Variants in DNAJB6 observed in about 807,000 individuals in gnomAD.
DNAJB6 encodes dnaJ homolog subfamily B member 6.
In DNAJB6, 16 loss-of-function variants were observed where a neutral mutation model predicts 42.7. That is an observed-to-expected ratio of 0.37 (90% CI 0.25 to 0.57). The LOEUF (loss-of-function observed/expected upper bound fraction) is 0.57, where lower values mean the gene tolerates loss of function less well. Among genes scored for constraint, DNAJB6 ranks in the 20% least tolerant of loss-of-function variants. The probability of loss-of-function intolerance (pLI) is 0.74; values close to 1 mark genes in which losing one functional copy is unlikely to be tolerated. For synonymous variants in DNAJB6, 170 were observed against 163.5 expected, an observed-to-expected ratio of 1.04 and a Z score of -0.30; for missense variants, 347 against 416.8, an observed-to-expected ratio of 0.83 and a Z score of 1.46.
intron 8 of DNAJB6, among the ~76,000 whole-genome samples, chr7:157,404,188 C>G (rs1166174388): frequency 1.3e-5 from 2 of 151,768 alleles, no homozygotes; most frequent in African/African-American, 4.8e-5. Flanking sequence ...AGGCTGGTCT[C>G]AAACTCTTGG....
At chr7:157,352,712 GC>G (rs1171423778) in intron 1 of DNAJB6, among the ~76,000 whole-genome samples, 4 of 152,122 alleles carry the variant, frequency 2.6e-5, no homozygotes, top group Non-Finnish European at 2.9e-5. Context: ...CAAGCAGGTA[GC>G]ACTTAGGATA....
intron 2 of DNAJB6, among the ~76,000 whole-genome samples, chr7:157,362,123 A>T (rs56302596): frequency 2.4e-4 from 37 of 152,284 alleles, no homozygotes; most frequent in Non-Finnish European, 5.1e-4. Context: ...TCTGCAACAG[A>T]ATATGACCTT....
At chr7:157,415,046 C>G (rs528280415) in intron 9 of DNAJB6, 1 of 152,294 alleles carries the variant, frequency 6.6e-6, no homozygotes, top group Non-Finnish European at 1.5e-5. Flanking sequence ...CTGTGAGGCA[C>G]GATGCCACCA....
At chr7:157,338,566 C>A (rs1331934720) in intron 1 of DNAJB6, among the ~76,000 whole-genome samples, 2 of 152,306 alleles carry the variant, frequency 1.3e-5, no homozygotes, top group Non-Finnish European at 2.9e-5. Flanking sequence ...AACTTATGAC[C>A]TAAAGTGATC....
At chr7:157,409,714 C>T (rs1282477670) in intron 8 of DNAJB6, 81 bp from the exon 9 acceptor site, 15 of 1,411,834 alleles carry the variant, frequency 1.1e-5, no homozygotes, top group Admixed American at 2.5e-5. Flanking sequence ...GATCGTGCGG[C>T]CAGCTTCCCT....
At chr7:157,386,800 C>G (rs1450859889) in intron 8 of DNAJB6, among the ~76,000 whole-genome samples, 1 of 151,648 alleles carries the variant, frequency 6.6e-6, no homozygotes, top group Non-Finnish European at 1.5e-5. Flanking sequence ...AGAAGAATTG[C>G]TTGAACCCGG....
chr7:157,413,546 A>G (rs1026579950), intron 9 of DNAJB6: 1 of 152,184 alleles, frequency 6.6e-6, no homozygotes, highest in African/African-American at 2.4e-5. Flanking sequence ...CTATCAGGAC[A>G]AGTTTTTAAG....
intron 8 of DNAJB6, among the ~76,000 whole-genome samples, chr7:157,392,620 C>T (rs1228228761): frequency 6.6e-6 from 1 of 152,164 alleles, no homozygotes; most frequent in African/African-American, 2.4e-5. Context: ...GTATGGATGG[C>T]AGTGTGTGCA....
chr7:157,369,139 G>A (rs1799987389), intron 5 of DNAJB6: 2 of 372,048 alleles, frequency 5.4e-6, no homozygotes, highest in African/African-American at 4.8e-5. Context: ...AGGGGACCGG[G>A]AGACTGGCGT....
rs1197422051 is a variant in DNAJB6 at position 157,403,778 on chromosome 7, C to T, written c.692-6017C>T. Reference sequence around the variant, plus strand: ...ATACCTTGTTTCCCAAATTAGCAACCAAAGAGAGCGGTTATACTTGCCCTG... The same window carrying T: ...ATACCTTGTTTCCCAAATTAGCAACTAAAGAGAGCGGTTATACTTGCCCTG... On this transcript the variant is annotated intron_variant, in intron 8 of 9. Transcript: ENST00000262177. Among the ~76,000 whole-genome samples the T allele has an allele frequency of 3.9e-5, 6 of 152,326 alleles. No individual in the cohort carries two copies. The East Asian group carries it at 1.2e-3, about 29-fold the overall frequency.
At chr7:157,349,562 A>T (rs1006547379) in intron 1 of DNAJB6, among the ~76,000 whole-genome samples, 2 of 151,994 alleles carry the variant, frequency 1.3e-5, no homozygotes, top group African/African-American at 4.8e-5. Context: ...GGCTCACTGC[A>T]GCCTAGACCT....
intron 5 of DNAJB6, 195 bp from the exon 6 acceptor site, chr7:157,382,051 G>T: frequency 1.4e-5 from 7 of 482,912 alleles, no homozygotes; most frequent in East Asian, 7.7e-5. Flanking sequence ...AGTTTTAGTT[G>T]AATTAAACTA....
intron 8 of DNAJB6, among the ~76,000 whole-genome samples, chr7:157,386,571 G>A (rs967085336): frequency 1.4e-5 from 2 of 145,722 alleles, no homozygotes; most frequent in African/African-American, 5.6e-5. Context: ...CTTAAAGTAT[G>A]TTCTAGTTTG....
intron 8 of DNAJB6, among the ~76,000 whole-genome samples, chr7:157,396,560 G>T (rs1801593560): frequency 6.6e-6 from 1 of 152,174 alleles, no homozygotes; most frequent in African/African-American, 2.4e-5. Flanking sequence ...GGCCCCAGGA[G>T]GCCTGGCCCT....
intron 6 of DNAJB6, chr7:157,382,706 A>T (rs1247578359): frequency 1.1e-5 from 2 of 174,694 alleles, no homozygotes; most frequent in African/African-American, 4.8e-5. Flanking sequence ...ACTAACCTTC[A>T]TGCTGTCTAA....
chr7:157,399,436 G>A (rs1003658128), intron 8 of DNAJB6, among the ~76,000 whole-genome samples: 7 of 152,188 alleles, frequency 4.6e-5, no homozygotes, highest in African/African-American at 1.2e-4. Context: ...AGGTTAGGAC[G>A]GCATTTTCAC....
chr7:157,388,354 T>C (rs1801179290), intron 8 of DNAJB6, among the ~76,000 whole-genome samples: 1 of 152,208 alleles, frequency 6.6e-6, no homozygotes, highest in Admixed American at 6.5e-5. Context: ...ATACCATCAC[T>C]CAAGTAAGTG....
At chr7:157,405,396 G>A (rs1795728206) in intron 8 of DNAJB6, among the ~76,000 whole-genome samples, 1 of 152,182 alleles carries the variant, frequency 6.6e-6, no homozygotes, top group Non-Finnish European at 1.5e-5. Flanking sequence ...TGGCAGGAGT[G>A]TGGGTCTGTG....
chr7:157,392,206 T>A (rs1436841968), intron 8 of DNAJB6, among the ~76,000 whole-genome samples: 3 of 152,088 alleles, frequency 2.0e-5, no homozygotes, highest in Non-Finnish European at 4.4e-5. Context: ...GTACTGTCTG[T>A]CAACAGTTTC....
Sources: gnomAD v4.1 joint callset for allele counts (sites outside exome capture counted in the v4.1 genomes callset) on GRCh38, gnomAD v4.1.1 for gene constraint, MANE v1.5 for transcripts, NCBI Gene and HGNC (gene_info 2026-07-23, HGNC 2026-07-21) for gene names.